IL1R1: variants seen among roughly 807,000 people sequenced by gnomAD.
IL1R1 encodes interleukin 1 receptor type 1, also known as interleukin-1 receptor type 1.
In IL1R1, 22 loss-of-function variants were observed where a neutral mutation model predicts 50.2. The observed-to-expected ratio is 0.44, with a 90% CI of 0.31 to 0.63. The LOEUF (loss-of-function observed/expected upper bound fraction) is 0.63, where lower values mean the gene tolerates loss of function less well. IL1R1 is among the 20% of genes least tolerant of loss of function. The probability of loss-of-function intolerance (pLI) is 0.07; values close to 1 mark genes in which losing one functional copy is unlikely to be tolerated. For missense variants in IL1R1, 509 were observed against 676.2 expected (o/e 0.75, Z 2.74); for synonymous variants, 251 against 236.7 (o/e 1.06, Z -0.55).
chr2:102,130,170 G>C (rs978735205), intron 1 of IL1R1, among the ~76,000 whole-genome samples: 1 of 152,206 alleles, frequency 6.6e-6, no homozygotes, highest in African/African-American at 2.4e-5. Context: ...AAAGTCCACT[G>C]TACGTGTGTA....
chr2:102,135,862 G>T (rs1478999213), intron 1 of IL1R1, among the ~76,000 whole-genome samples: 1 of 152,120 alleles, frequency 6.6e-6, no homozygotes, highest in African/African-American at 2.4e-5. Flanking sequence ...GCAACTGAGG[G>T]ATTACATTTT....
At position 102,179,390 on chromosome 2, in the gene IL1R1, C is replaced by T. The variant is rs530750191; in HGVS notation, c.*2631C>T. 3 of 152,360 alleles carry T rather than the reference C, an allele frequency of 2.0e-5. No individual in the cohort carries two copies. Among genetic ancestry groups the T allele is most frequent in the Non-Finnish European group, 2.9e-5 (2 of 68,008 alleles). The allele number at this position is 152,360 out of a possible 1,614,324, so 9.4% of individuals were successfully genotyped here. A position where few individuals can be genotyped will look rare whatever the true frequency, so the allele number is the denominator to read the frequency against. ...CAAACAGAAAAGTGCAAAGTTATTCCCCATCTTCCAAGGGTTGAATTCTGG... is the reference window on the plus strand; with the variant it reads ...CAAACAGAAAAGTGCAAAGTTATTCTCCATCTTCCAAGGGTTGAATTCTGG... On this transcript the variant is annotated 3_prime_UTR_variant, in exon 12 of 12. Coordinates refer to ENST00000410023, the MANE Select transcript of IL1R1 (RefSeq NM_000877.4).
intron 3 of IL1R1, among the ~76,000 whole-genome samples, chr2:102,161,291 A>G (rs1684705759): frequency 6.6e-6 from 1 of 152,158 alleles, no homozygotes; most frequent in African/African-American, 2.4e-5. Flanking sequence ...GTCACCAGAG[A>G]ATAAGTTTTG....
At chr2:102,080,378 A>G (rs76777018) in intron 1 of IL1R1, among the ~76,000 whole-genome samples, 3,708 of 152,304 alleles carry the variant, frequency 0.024, 156 homozygotes, top group African/African-American at 0.084. Flanking sequence ...TGATAAATTA[A>G]CAATAAAAAG....
chr2:102,123,727 G>A (rs188706151), intron 1 of IL1R1, among the ~76,000 whole-genome samples: 612 of 152,130 alleles, frequency 4.0e-3, no homozygotes, highest in Non-Finnish European at 6.9e-3. Flanking sequence ...GCAGTTAGCC[G>A]AGATCACGCC....
rs1355280273 is a variant in IL1R1, at chr2:102,073,891, A to G, written c.-84+3358A>G. ...CATTGACCCTTTCTTAAAACCCCCT[A>G]AAATGGACGTCAACAATGCCCCTCT... On this transcript the variant is annotated intron_variant, in intron 1 of 11. Transcript: ENST00000409929. Among the ~76,000 whole-genome samples, 3 of 152,218 alleles carry G rather than the reference A, an allele frequency of 2.0e-5. No individual in the cohort carries two copies. The East Asian group carries it at 5.8e-4, about 29-fold the overall frequency.
intron 1 of IL1R1, among the ~76,000 whole-genome samples, chr2:102,135,014 T>C (rs569944014): frequency 6.6e-6 from 1 of 152,310 alleles, no homozygotes; most frequent in Non-Finnish European, 1.5e-5. Context: ...AGCTAATATG[T>C]CAAAGGAACA....
chr2:102,074,459 G>A (rs1388825168), intron 1 of IL1R1, among the ~76,000 whole-genome samples: 1 of 152,160 alleles, frequency 6.6e-6, no homozygotes, highest in African/African-American at 2.4e-5. Context: ...TCTCCAGCCG[G>A]GTGGCCTATT....
intron 1 of IL1R1, among the ~76,000 whole-genome samples, chr2:102,149,040 G>A (rs10184523): frequency 0.17 from 25,842 of 152,060 alleles, 2,330 homozygotes; most frequent in East Asian, 0.25. Flanking sequence ...CACATTCCCC[G>A]TACATGTTTC....
At chr2:102,083,882 T>C (rs1679325862) in intron 1 of IL1R1, among the ~76,000 whole-genome samples, 1 of 151,778 alleles carries the variant, frequency 6.6e-6, no homozygotes, top group African/African-American at 2.4e-5. Context: ...AGGCAGAGGT[T>C]GCAGTGAGCC....
chr2:102,131,508 G>A (rs896812333), intron 1 of IL1R1, among the ~76,000 whole-genome samples: 1 of 152,226 alleles, frequency 6.6e-6, no homozygotes, highest in Non-Finnish European at 1.5e-5. Context: ...AACAAAAGAC[G>A]TGAAAATGCC....
chr2:102,097,769 G>A lies in IL1R1; in HGVS notation c.-84+27236G>A, dbSNP rs142176434. ...ATAACTATCCTACAAAGAATAGTTTGTATAAAGAAAATAGTATAGTTTCTA... is the reference window on the plus strand; with the variant it reads ...ATAACTATCCTACAAAGAATAGTTTATATAAAGAAAATAGTATAGTTTCTA... On this transcript the variant is annotated intron_variant, in intron 1 of 11. Coordinates refer to the IL1R1 transcript ENST00000409929. Among the ~76,000 whole-genome samples, 1,222 of 152,062 alleles carry A rather than the reference G, an allele frequency of 8.0e-3. 9 individuals are homozygous for A. Among genetic ancestry groups the A allele is most frequent in the Middle Eastern group, 0.024 (7 of 294 alleles).
At chr2:102,120,938 A>G (rs976604569) in intron 1 of IL1R1, among the ~76,000 whole-genome samples, 24 of 152,300 alleles carry the variant, frequency 1.6e-4, no homozygotes, top group Non-Finnish European at 2.1e-4. Flanking sequence ...AGCAGAACAT[A>G]GGTATTATGA....
intron 7 of IL1R1, 140 bp downstream of exon 7, chr2:102,168,803 T>C: frequency 1.6e-6 from 1 of 612,544 alleles, no homozygotes; most frequent in Admixed American, 3.1e-5. Flanking sequence ...GTGAGACAAA[T>C]TATATCTTAA....
chr2:102,087,529 C>T (rs1160716152), intron 1 of IL1R1, among the ~76,000 whole-genome samples: 4 of 152,278 alleles, frequency 2.6e-5, no homozygotes, highest in Admixed American at 2.0e-4. Context: ...AATCTAATGT[C>T]AAATTGTAAT....
At chr2:102,156,959 A>C (rs1162048163) in intron 2 of IL1R1, among the ~76,000 whole-genome samples, 2 of 152,232 alleles carry the variant, frequency 1.3e-5, no homozygotes, top group Admixed American at 1.3e-4. Context: ...AGGCAAATTT[A>C]ATCTCCCGTA....
intron 1 of IL1R1, among the ~76,000 whole-genome samples, chr2:102,125,672 C>T (rs1413140026): frequency 1.3e-5 from 2 of 152,190 alleles, no homozygotes; most frequent in Non-Finnish European, 2.9e-5. Flanking sequence ...TAGGTGAAGT[C>T]CTCCTGGTGG....
chr2:102,100,877 C>T (rs10490571), upstream of IL1R1, among the ~76,000 whole-genome samples: 43,485 of 151,920 alleles, frequency 0.29, 7,209 homozygotes, highest in Non-Finnish European at 0.36. Context: ...GGGGATGATA[C>T]GAATTGTTCA....
chr2:102,164,736 T>A, intron 3 of IL1R1, 38 bp from the exon 4 acceptor site: 1 of 1,433,718 alleles, frequency 7.0e-7, no homozygotes, highest in Non-Finnish European at 9.8e-7. Context: ...ACTGGCAGAT[T>A]TTTATGTAAA....
Sources: gnomAD v4.1 joint callset for allele counts (sites outside exome capture counted in the v4.1 genomes callset) on GRCh38, gnomAD v4.1.1 for gene constraint, MANE v1.5 for transcripts, NCBI Gene and HGNC (gene_info 2026-07-23, HGNC 2026-07-21) for gene names.